ZNF324B: variants seen among roughly 807,000 people sequenced by gnomAD.
ZNF324B encodes the protein zinc finger protein 324B.
A neutral mutation model predicts 10.6 loss-of-function variants in ZNF324B; 7 were observed. The ratio of observed to expected loss-of-function variants is 0.66; its 90% CI spans 0.38 to 1.24. The LOEUF is 1.24. ZNF324B is among the 50% of genes most tolerant of loss of function. The pLI is 0.02. For synonymous variants in ZNF324B, 316 were observed against 321.0 expected, an observed-to-expected ratio of 0.98 and a Z score of 0.17; for missense variants, 640 against 764.7, an observed-to-expected ratio of 0.84 and a Z score of 1.92.
At chr19:58,435,501 C>T in the ZNF324B span, 4 of 282,630 alleles carry the variant, frequency 1.4e-5, no homozygotes, top group African/African-American at 6.6e-5. Flanking sequence ...GGCCAATAAG[C>T]ATATGAAAAG....
upstream of ZNF324B, among the ~76,000 whole-genome samples, chr19:58,448,826 T>C (rs889468973): frequency 6.6e-6 from 1 of 152,216 alleles, no homozygotes; most frequent in African/African-American, 2.4e-5. Context: ...CATTCAGTTT[T>C]AAAAGGGAAA....
the ZNF324B span, chr19:58,432,421 A>C: frequency 1.9e-5 from 8 of 423,194 alleles, no homozygotes; most frequent in Non-Finnish European, 3.7e-5. Flanking sequence ...TCCTTTGTCC[A>C]TGATGGCATG....
intron 3 of ZNF324B, 50 bp downstream of exon 3, chr19:58,454,394 C>G (rs553427647): frequency 8.4e-7 from 1 of 1,189,488 alleles, no homozygotes; most frequent in South Asian, 1.2e-5. Flanking sequence ...TGTGGCCAAG[C>G]CCATGTCCCT....
rs2052912334 is a variant in ZNF324B, at chr19:58,455,793, G to A, written c.849G>A (p.Arg283=). ...LKHLRTHTGE[R]PYECTQCGKA... is the part of the protein sequence containing the mutation. ...ACCTACGCACCCACACCGGGGAGCG[G>A]CCCTACGAGTGCACCCAGTGCGGCA... Residue 283 remains arginine, a synonymous_variant, in exon 4 of 4, where the codon CGG becomes CGA. Transcript: ENST00000336614. The surrounding 1 kb of genome is among the most constrained non-coding windows in gnomAD (Gnocchi z 7.0). The A allele has an allele frequency of 6.2e-7, 1 of 1,614,132 alleles. No homozygotes were observed. The highest frequency in any genetic ancestry group is 1.1e-5 in the South Asian group (1 of 91,090).
In ZNF324B at chr19:58,451,708, C is replaced by G. The variant is rs748939219; in HGVS notation, c.-7+4C>G. 2.1e-5 allele frequency: 10 copies of G among 486,520 alleles called. No homozygotes were observed. Among genetic ancestry groups the G allele is most frequent in the African/African-American group, 6.2e-5 (3 of 48,722 alleles). 30.1% of individuals were successfully genotyped at this position (486,520 alleles called of 1,614,324 possible). On this transcript the variant is annotated splice_donor_region_variant and intron_variant, in intron 1 of 3. Coordinates refer to ENST00000336614, the MANE Select transcript of ZNF324B (RefSeq NM_207395.3). ...CCCGAGGCGGGCGGCCAGGAAGGTA[C>G]GGACCACGAGCAGCCGGCCGCGCCC...
the ZNF324B span, chr19:58,444,769 G>T: frequency 1.3e-5 from 2 of 152,242 alleles, no homozygotes; most frequent in African/African-American, 4.8e-5. Flanking sequence ...GGAAAAAATT[G>T]CAAGTGTATT....
the ZNF324B span, among the ~76,000 whole-genome samples, chr19:58,427,564 A>G: frequency 7.0e-6 from 1 of 143,412 alleles, no homozygotes; most frequent in Admixed American, 7.3e-5. Context: ...CATGTTGGTC[A>G]GGCTGGTCTC....
the ZNF324B span, among the ~76,000 whole-genome samples, chr19:58,420,951 A>G: frequency 4.6e-5 from 7 of 150,708 alleles, no homozygotes; most frequent in East Asian, 1.2e-3. Context: ...TGATCTGCCC[A>G]CCTCAGCCTT....
At chr19:58,447,345 C>G (rs2052832646), upstream of ZNF324B, among the ~76,000 whole-genome samples, 1 of 152,166 alleles carries the variant, frequency 6.6e-6, no homozygotes, top group African/African-American at 2.4e-5. Context: ...GGTGACCACC[C>G]TTAGTGCTAA....
the ZNF324B span, among the ~76,000 whole-genome samples, chr19:58,436,585 G>A: frequency 1.0e-3 from 152 of 148,098 alleles, no homozygotes; most frequent in East Asian, 0.011. Flanking sequence ...GGAGAATGGC[G>A]TGAACCTGGG....
Position 58,453,689 on chromosome 19 carries a change from G to A in ZNF324B, c.-6-7G>A, listed in dbSNP as rs1179139169. The A allele has an allele frequency of 4.3e-6, 7 of 1,614,076 alleles. No individual in the cohort carries two copies. Among genetic ancestry groups the A allele is most frequent in the Non-Finnish European group, 5.9e-6 (7 of 1,180,042 alleles). On this transcript the variant is annotated splice_region_variant and splice_polypyrimidine_tract_variant and intron_variant, in intron 1 of 3. Coordinates refer to ENST00000336614, the MANE Select transcript of ZNF324B (RefSeq NM_207395.3). Reference sequence around the variant, plus strand: ...CCATGCCTACCTCCACCTCCCTGCTGTTTTAGGACCTGATGACCTTCGAGG... The same window carrying A: ...CCATGCCTACCTCCACCTCCCTGCTATTTTAGGACCTGATGACCTTCGAGG...
At chr19:58,453,660 T>C (rs750916134) in intron 1 of ZNF324B, 36 bp from the exon 2 acceptor site, 14 of 1,614,132 alleles carry the variant, frequency 8.7e-6, no homozygotes, top group Non-Finnish European at 1.2e-5. Context: ...AGCCATACCT[T>C]AGACCATGCC....
upstream of ZNF324B, among the ~76,000 whole-genome samples, chr19:58,446,639 C>A (rs1331483675): frequency 7.7e-6 from 1 of 129,778 alleles, no homozygotes; most frequent in Admixed American, 9.1e-5. Flanking sequence ...TGCAGTGGTG[C>A]GATCTCAGCT....
At chr19:58,452,589 G>T (rs1199122731) in intron 1 of ZNF324B, 1 of 471,336 alleles carries the variant, frequency 2.1e-6, no homozygotes, top group Admixed American at 6.4e-5. Context: ...TGGAAGAAGA[G>T]AGCTGCTGTA....
rs183552347 is a variant in ZNF324B, at chr19:58,453,142, C to T, written c.-6-554C>T. ...ATAAATAAATAAATTGAGGAGGGGG[C>T]GCCATGTGGAGGGAGGAAGGGATTG... On this transcript the variant is annotated intron_variant, in intron 1 of 3. Coordinates refer to ENST00000336614, the MANE Select transcript of ZNF324B (RefSeq NM_207395.3). 173 of 151,830 alleles carry T rather than the reference C, an allele frequency of 1.1e-3. 1 individual carries two copies. Among genetic ancestry groups the T allele is most frequent in the African/African-American group, 3.8e-3 (157 of 41,204 alleles). 9.4% of individuals were successfully genotyped at this position (151,830 alleles called of 1,614,324 possible).
At chr19:58,445,606 A>G in the ZNF324B span, 1 of 427,820 alleles carries the variant, frequency 2.3e-6, no homozygotes, top group Non-Finnish European at 4.5e-6. Context: ...ACCTGAGGTC[A>G]GGAGTTTGAG....
chr19:58,434,239 G>C, the ZNF324B span: 1 of 1,614,116 alleles, frequency 6.2e-7, no homozygotes, highest in South Asian at 1.1e-5. Context: ...GCACTCATAA[G>C]GTCTTACCTG....
At chr19:58,430,441 T>C in the ZNF324B span, 3 of 152,380 alleles carry the variant, frequency 2.0e-5, no homozygotes, top group Admixed American at 6.5e-5. Context: ...GCTTCTGCAA[T>C]AGCAGTAATA....
Position 58,455,853 on chromosome 19 carries a change from C to T in ZNF324B, c.909C>T (p.His303=). The change falls in exon 4 of 4, where the codon CAC becomes CAT. Residue 303 remains histidine, a synonymous_variant. Transcript: ENST00000336614. The surrounding 1 kb of genome is among the most constrained non-coding windows in gnomAD (Gnocchi z 7.0). Reference sequence around the variant, plus strand: ...GCCAGACGTCGCACTTGACGCAGCACCAGCGCATCCACAGCGGCGAGACGC... The same window carrying T: ...GCCAGACGTCGCACTTGACGCAGCATCAGCGCATCCACAGCGGCGAGACGC... ...AFSQTSHLTQ[H]QRIHSGETPY... 6.2e-7 allele frequency: 1 copy of T among 1,613,472 alleles called. No individual in the cohort carries two copies. The highest frequency in any genetic ancestry group is 8.5e-7 in the Non-Finnish European group (1 of 1,179,742).
Sources: allele counts gnomAD v4.1 joint callset (sites outside exome capture counted in the v4.1 genomes callset), GRCh38; gene constraint gnomAD v4.1.1; non-coding constraint Gnocchi (gnomAD v3.1); transcripts MANE v1.5; gene names NCBI Gene and HGNC (gene_info 2026-07-23, HGNC 2026-07-21).